The following TFB1M variants were observed in gnomAD, a reference collection of about 807,000 sequenced individuals.
The protein encoded by TFB1M is transcription factor B1, mitochondrial.
TFB1M carries 27 observed loss-of-function variants against 31.1 expected under a neutral mutation model. The ratio of observed to expected loss-of-function variants is 0.87; its 90% CI spans 0.64 to 1.20. The LOEUF is 1.20. Among genes scored for constraint, TFB1M ranks in the 50% most tolerant of loss-of-function variants. The pLI, the probability that TFB1M is intolerant of heterozygous loss-of-function variation, is 0.00. For synonymous variants in TFB1M, 166 were observed against 151.8 expected (o/e 1.09, Z -0.69); for missense variants, 394 against 418.7 (o/e 0.94, Z 0.51).
chr6:155,257,615 TGTC>T lies in TFB1M; in HGVS notation c.*218_*220del. 3.7e-6 allele frequency: 2 copies of T among 545,166 alleles called. No individual in the cohort carries two copies. The highest frequency in any genetic ancestry group is 6.4e-6 in the Non-Finnish European group (2 of 312,464). The allele number at this position is 545,166 out of a possible 1,614,324, so 33.8% of individuals were successfully genotyped here. ...TAATAGATGCTGTTTATACTAAACATGTCATAACTATCTATACAGTATATATTA... is the reference window on the plus strand; with the variant it reads ...TAATAGATGCTGTTTATACTAAACATATAACTATCTATACAGTATATATTA... On this transcript the variant is annotated 3_prime_UTR_variant, in exon 7 of 7. Coordinates refer to ENST00000367166, the MANE Select transcript of TFB1M (RefSeq NM_016020.4).
downstream of TFB1M, chr6:155,254,386 C>T (rs770048270): frequency 6.2e-7 from 1 of 1,604,252 alleles, no homozygotes; most frequent in Non-Finnish European, 8.5e-7. Context: ...ACACTGTGGA[C>T]ACTTCTGCTG....
In TFB1M at chr6:155,296,544, C is replaced by T. The variant is rs1430338753; in HGVS notation, c.546+409G>A. On this transcript the variant is annotated intron_variant, in intron 4 of 6. Coordinates refer to ENST00000367166, the MANE Select transcript of TFB1M (RefSeq NM_016020.4). ...CCGCCTGCCTCGGCCTCCCAAAGTG[C>T]TGGAATTACAGGCATGAGTCACCAT... Among the ~76,000 whole-genome samples the T allele has an allele frequency of 2.0e-5, 3 of 150,350 alleles. No individual in the cohort carries two copies. In the East Asian group the frequency reaches 5.9e-4, roughly 30 times the overall value.
chr6:155,284,415 A>G (rs925953659), intron 5 of TFB1M, among the ~76,000 whole-genome samples: 1 of 151,942 alleles, frequency 6.6e-6, no homozygotes, highest in African/African-American at 2.4e-5. Flanking sequence ...GAGGCTGTGA[A>G]CTCCCTGAAG....
In TFB1M at chr6:155,301,584, G is replaced by A. The variant is rs375960232; in HGVS notation, c.286-2999C>T. On this transcript the variant is annotated intron_variant, in intron 2 of 6. Transcript: ENST00000367166. ...AAGGCACAGCCAATCACAAATGCAG[G>A]CACCAGATTACAGCCAAATGAGTAT... 2.2e-4 allele frequency among the ~76,000 whole-genome samples: 34 copies of A among 152,324 alleles called. 1 individual carries two copies. Among genetic ancestry groups the A allele is most frequent in the African/African-American group, 7.2e-4 (30 of 41,572 alleles).
chr6:155,262,760 T>C (rs1784447695), intron 5 of TFB1M, among the ~76,000 whole-genome samples: 1 of 152,228 alleles, frequency 6.6e-6, no homozygotes, highest in Admixed American at 6.5e-5. Flanking sequence ...CTTCCTTAGA[T>C]TTTAAATTTT....
intron 5 of TFB1M, among the ~76,000 whole-genome samples, chr6:155,270,645 AC>A (rs1784875630): frequency 6.6e-6 from 1 of 152,178 alleles, no homozygotes; most frequent in Non-Finnish European, 1.5e-5. Context: ...AGCATGCTTA[AC>A]CCATTTATCC....
chr6:155,251,013 C>T, the TFB1M span: 1 of 1,613,908 alleles, frequency 6.2e-7, no homozygotes, highest in Non-Finnish European at 8.5e-7. Flanking sequence ...CTTGAGCTCA[C>T]AGTATTTGGT....
chr6:155,254,491 A>G (rs1783878148), downstream of TFB1M: 6 of 1,614,102 alleles, frequency 3.7e-6, no homozygotes, highest in African/African-American at 2.7e-5. Flanking sequence ...GGCGTCACAT[A>G]AAGTGTGAAT....
chr6:155,282,051 T>A (rs1776387628), intron 5 of TFB1M, among the ~76,000 whole-genome samples: 1 of 152,162 alleles, frequency 6.6e-6, no homozygotes, highest in Admixed American at 6.5e-5. Flanking sequence ...GCAAAAGACA[T>A]TGTCTTGTAA....
the TFB1M span, chr6:155,248,097 G>A: frequency 6.2e-7 from 1 of 1,614,178 alleles, no homozygotes. Flanking sequence ...AGCCGGTTCA[G>A]AGAGTGCTCA....
chr6:155,251,036 C>T, the TFB1M span: 14 of 1,603,234 alleles, frequency 8.7e-6, no homozygotes, highest in East Asian at 3.1e-4. Flanking sequence ...GTATTCCATT[C>T]AGAAGAATGC....
chr6:155,279,072 C>G (rs1033247443), intron 5 of TFB1M, among the ~76,000 whole-genome samples: 3 of 152,148 alleles, frequency 2.0e-5, no homozygotes, highest in African/African-American at 7.2e-5. Context: ...AGGACAGACT[C>G]TGGCAACAAA....
chr6:155,242,303 TTTC>T, the TFB1M span, among the ~76,000 whole-genome samples: 1 of 152,180 alleles, frequency 6.6e-6, no homozygotes, highest in African/African-American at 2.4e-5. Context: ...CACACCACCG[TTTC>T]TTCATTTCTT....
At chr6:155,243,846 C>CAAAAAAAAAAAAAAAAA in the TFB1M span, among the ~76,000 whole-genome samples, 5 of 55,050 alleles carry the variant, frequency 9.1e-5, no homozygotes, top group African/African-American at 4.0e-4. Flanking sequence ...GACTCCGTCT[C>CAAAAAAAAAAAAAAAAA]AAAAAAAAAA....
Position 155,258,095 on chromosome 6 carries a change from C to G in TFB1M, c.795-13G>C, listed in dbSNP as rs376125196. 4.8e-5 allele frequency: 77 copies of G among 1,608,228 alleles called. No homozygotes were observed. Among genetic ancestry groups the G allele is most frequent in the Non-Finnish European group, 6.5e-5 (76 of 1,175,454 alleles). On this transcript the variant is annotated splice_polypyrimidine_tract_variant and intron_variant, in intron 6 of 6. Transcript: ENST00000367166. Reference sequence around the variant, plus strand: ...AGGGAATAACATTCTGAGGGGAAGACAGACAGACAGAAAAATAAGAATTTT... The same window carrying G: ...AGGGAATAACATTCTGAGGGGAAGAGAGACAGACAGAAAAATAAGAATTTT...
the TFB1M span, chr6:155,247,870 T>G: frequency 8.4e-7 from 1 of 1,186,728 alleles, no homozygotes; most frequent in Non-Finnish European, 1.2e-6. Flanking sequence ...ACTGATGTGT[T>G]GGGGTTTTCA....
At chr6:155,298,076 T>C (rs1050663564) in intron 3 of TFB1M, among the ~76,000 whole-genome samples, 3 of 152,242 alleles carry the variant, frequency 2.0e-5, no homozygotes, top group Non-Finnish European at 4.4e-5. Context: ...AAGACTGCCT[T>C]GGTTGGTCAT....
downstream of TFB1M, chr6:155,254,824 C>T: frequency 2.2e-6 from 1 of 451,094 alleles, no homozygotes; most frequent in South Asian, 3.0e-5. Flanking sequence ...GTTTCTTCCA[C>T]TAAGATGTGC....
At chr6:155,264,098 A>AG (rs1784515085) in intron 5 of TFB1M, 2 of 152,240 alleles carry the variant, frequency 1.3e-5, no homozygotes, top group Admixed American at 6.5e-5. Context: ...AGGCACCACA[A>AG]AATGGAACGC....
Sources: allele counts gnomAD v4.1 joint callset (sites outside exome capture counted in the v4.1 genomes callset), GRCh38; gene constraint gnomAD v4.1.1; transcripts MANE v1.5; gene names NCBI Gene and HGNC (gene_info 2026-07-23, HGNC 2026-07-21).